SESN3: variants seen among roughly 807,000 people sequenced by gnomAD.
SESN3 encodes sestrin-3.
Under a neutral mutation model 55.3 loss-of-function variants are expected in SESN3, and 21 were observed. The observed-to-expected ratio is 0.38, with a 90% CI of 0.27 to 0.55. The LOEUF (loss-of-function observed/expected upper bound fraction) is 0.55, where lower values mean the gene tolerates loss of function less well. SESN3 is among the 20% of genes least tolerant of loss of function. The pLI, the probability that SESN3 is intolerant of heterozygous loss-of-function variation, is 0.76. For synonymous variants in SESN3, 181 were observed against 203.1 expected, an observed-to-expected ratio of 0.89 and a Z score of 0.93; for missense variants, 408 against 604.3, an observed-to-expected ratio of 0.68 and a Z score of 3.41.
chr11:95,190,897 GA>G lies in SESN3; in HGVS notation c.342+506del, dbSNP rs574844585. ...CTCCTCTCTGACCTCTATTGCCTGT[GA>G]ATAACTAGTTAACCAGTTTGTAATC... On this transcript the variant is annotated intron_variant, in intron 3 of 9. Coordinates refer to ENST00000536441, the MANE Select transcript of SESN3 (RefSeq NM_144665.4). Among the ~76,000 whole-genome samples the G allele has an allele frequency of 1.2e-3, 187 of 152,050 alleles. 1 individual carries two copies. Among genetic ancestry groups the G allele is most frequent in the African/African-American group, 4.2e-3 (175 of 41,514 alleles).
chr11:95,204,597 G>C (rs181910497), intron 1 of SESN3, among the ~76,000 whole-genome samples: 1 of 152,058 alleles, frequency 6.6e-6, no homozygotes. Context: ...AATGGGATTA[G>C]TGCCCTTTAT....
At chr11:95,185,576 T>C in intron 4 of SESN3, 84 bp from the exon 5 acceptor site, 1 of 839,622 alleles carries the variant, frequency 1.2e-6, no homozygotes. Flanking sequence ...CCAATTTTCA[T>C]ATATCCACTT....
intron 1 of SESN3, chr11:95,224,347 T>C: frequency 2.8e-6 from 1 of 359,260 alleles, no homozygotes; most frequent in Non-Finnish European, 5.4e-6. Flanking sequence ...ATGATTCTGA[T>C]AAACATTTCC....
intron 1 of SESN3, among the ~76,000 whole-genome samples, chr11:95,213,136 AG>A (rs1427756606): frequency 6.9e-6 from 1 of 144,446 alleles, no homozygotes; most frequent in Non-Finnish European, 1.6e-5. Context: ...AAATCTTCAT[AG>A]TCCTAAAAAA....
Position 95,191,403 on chromosome 11 carries a change from C to G in SESN3, c.342+1G>C. 6.2e-7 allele frequency: 1 copy of G among 1,608,388 alleles called. No individual in the cohort carries two copies. Among genetic ancestry groups the G allele is most frequent in the Non-Finnish European group, 8.5e-7 (1 of 1,175,154 alleles). ...GTGAACATAGGAAAATAAGCACCCA[C>G]CATTATTGCAATATAGTGCCTGTAT... On this transcript the variant is annotated splice_donor_variant, in intron 3 of 9. Transcript: ENST00000536441. LOFTEE classifies it high-confidence loss of function.
chr11:95,227,715 A>G (rs1262407684), intron 1 of SESN3, among the ~76,000 whole-genome samples: 3 of 152,218 alleles, frequency 2.0e-5, no homozygotes, highest in Non-Finnish European at 4.4e-5. Context: ...CTCAATACCC[A>G]AAGTACATTG....
intron 1 of SESN3, among the ~76,000 whole-genome samples, chr11:95,225,802 A>G (rs1193395890): frequency 6.6e-6 from 1 of 152,086 alleles, no homozygotes. Flanking sequence ...CTCTTCTCCT[A>G]AACTAATTAA....
chr11:95,195,130 A>AG lies in SESN3; in HGVS notation c.79-1609dup, dbSNP rs200813864. Reference sequence around the variant, plus strand: ...AATACATAAAATTTAGAGAACATGTAGGGGGAGCAAAATATAAACTCACGT... The same window carrying AG: ...AATACATAAAATTTAGAGAACATGTAGGGGGGAGCAAAATATAAACTCACGT... On this transcript the variant is annotated intron_variant, in intron 1 of 9. Coordinates refer to ENST00000536441, the MANE Select transcript of SESN3 (RefSeq NM_144665.4). Among the ~76,000 whole-genome samples the AG allele has an allele frequency of 7.1e-3, 1,081 of 152,294 alleles. 5 individuals are homozygous for AG. The highest frequency in any genetic ancestry group is 7.9e-3 in the African/African-American group (329 of 41,566).
chr11:95,198,645 C>A (rs1860407127), intron 1 of SESN3, among the ~76,000 whole-genome samples: 1 of 152,130 alleles, frequency 6.6e-6, no homozygotes, highest in African/African-American at 2.4e-5. Context: ...CCTTGAGTTT[C>A]TTTCGCTGTC....
intron 9 of SESN3, among the ~76,000 whole-genome samples, chr11:95,174,164 G>T (rs1859909161): frequency 6.6e-6 from 1 of 152,158 alleles, no homozygotes; most frequent in East Asian, 1.9e-4. Context: ...CAAAAAATCT[G>T]TTAGGTACTG....
chr11:95,206,404 ACACT>A, intron 1 of SESN3, among the ~76,000 whole-genome samples: 1 of 146,900 alleles, frequency 6.8e-6, no homozygotes, highest in Non-Finnish European at 1.5e-5. Context: ...ACACACACAC[ACACT>A]CTTATAATTT....
At chr11:95,184,140 C>T (rs1264875608) in intron 6 of SESN3, 1 of 417,622 alleles carries the variant, frequency 2.4e-6, no homozygotes, top group Non-Finnish European at 4.2e-6. Context: ...TTAAATATGT[C>T]TATCTAACTT....
Position 95,230,882 on chromosome 11 carries a change from G to A in SESN3, c.-22C>T, listed in dbSNP as rs1010709540. 4 of 1,543,168 alleles carry A rather than the reference G, an allele frequency of 2.6e-6. No individual in the cohort carries two copies. Among genetic ancestry groups the A allele is most frequent in the Non-Finnish European group, 2.6e-6 (3 of 1,151,692 alleles). The stretch of plus-strand genomic sequence containing the variant: ...TCATCGTGGCTGCGGGCGCCGAGGC[G>A]AGAGCGGGCGGAGGGCCGGGTCCGG... On this transcript the variant is annotated 5_prime_UTR_variant, in exon 1 of 10. Transcript: ENST00000536441. The surrounding 1 kb of genome is among the most constrained non-coding windows in gnomAD (Gnocchi z 4.6).
intron 4 of SESN3, among the ~76,000 whole-genome samples, chr11:95,186,727 A>G (rs1187067002): frequency 6.6e-6 from 1 of 151,920 alleles, no homozygotes; most frequent in Non-Finnish European, 1.5e-5. Flanking sequence ...GATATGTACA[A>G]TTATGTGTTA....
intron 6 of SESN3, chr11:95,182,053 A>G: frequency 4.2e-6 from 1 of 236,060 alleles, no homozygotes; most frequent in Non-Finnish European, 8.6e-6. Flanking sequence ...TTAGAACATA[A>G]TTTTTGGCTA....
intron 1 of SESN3, among the ~76,000 whole-genome samples, chr11:95,217,960 GAGGA>G (rs780969954): frequency 2.4e-4 from 36 of 152,314 alleles, no homozygotes; most frequent in Non-Finnish European, 4.9e-4. Flanking sequence ...CTGCTCATCA[GAGGA>G]AGGGTTTGTT....
rs71036382 is a variant in SESN3 at position 95,226,034 on chromosome 11, T to TAA, written c.78+4747_78+4748dup. On this transcript the variant is annotated intron_variant, in intron 1 of 9. Transcript: ENST00000536441. ...CAGAAATATGGAAATCAAAAATAAG[T>TAA]AAAAAAAAAAAAAAAAGTCATTCTG... is the stretch of plus-strand genomic sequence containing the variant. Among the ~76,000 whole-genome samples, 54 of 132,446 alleles carry TAA rather than the reference T, an allele frequency of 4.1e-4. 1 individual carries two copies. The South Asian group carries it at 7.9e-3, about 19-fold the overall frequency. The allele number at this position is 132,446 out of a possible 152,430, so 86.9% of individuals were successfully genotyped here. A position where few individuals can be genotyped will look rare whatever the true frequency, so the allele number is the denominator to read the frequency against.
rs1475250361 is a variant in SESN3, at chr11:95,172,972, C to T, written c.*283G>A. On this transcript the variant is annotated 3_prime_UTR_variant, in exon 10 of 10. Coordinates refer to ENST00000536441, the MANE Select transcript of SESN3 (RefSeq NM_144665.4). ...GGCGCTGAAGTTAAGCATTAATACG[C>T]CAGATTCATGATTTATGATCAGTAT... 7 of 320,246 alleles carry T rather than the reference C, an allele frequency of 2.2e-5. No homozygotes were observed. The East Asian group carries it at 2.4e-4, about 11-fold the overall frequency. The allele number at this position is 320,246 out of a possible 1,614,324, so 19.8% of individuals were successfully genotyped here.
chr11:95,177,793 G>A lies in SESN3; in HGVS notation c.1173C>T (p.Ala391=). 1 of 1,610,032 alleles carries A rather than the reference G, an allele frequency of 6.2e-7. No individual in the cohort carries two copies. The highest frequency in any genetic ancestry group is 8.5e-7 in the Non-Finnish European group (1 of 1,178,674). ...MVYNLTYNTM[A]THEDVDTTML... ...TGGTTGTGTCAACATCCTCATGGGTGGCCATAGTGTTATATGTGAGATTGT... is the reference window on the plus strand; with the variant it reads ...TGGTTGTGTCAACATCCTCATGGGTAGCCATAGTGTTATATGTGAGATTGT... Residue 391 remains alanine, a synonymous_variant, in exon 8 of 10, where the codon GCC becomes GCT. Coordinates refer to ENST00000536441, the MANE Select transcript of SESN3 (RefSeq NM_144665.4).
Sources: allele counts gnomAD v4.1 joint callset (sites outside exome capture counted in the v4.1 genomes callset), GRCh38; gene constraint gnomAD v4.1.1; non-coding constraint Gnocchi (gnomAD v3.1); transcripts MANE v1.5; gene names NCBI Gene and HGNC (gene_info 2026-07-23, HGNC 2026-07-21).